Variants in STAG1 observed in about 807,000 individuals in gnomAD.
STAG1 encodes cohesin subunit SA-1.
A neutral mutation model predicts 170.9 loss-of-function variants in STAG1; 26 were observed. The observed-to-expected ratio is 0.15, with a 90% confidence interval of 0.11 to 0.21. The LOEUF is 0.21. Among genes scored for constraint, STAG1 ranks in the 10% least tolerant of loss-of-function variants. The pLI is 1.00. For synonymous variants in STAG1, 514 were observed against 497.7 expected, an observed-to-expected ratio of 1.03 and a Z score of -0.44; for missense variants, 964 against 1,509.5, an observed-to-expected ratio of 0.64 and a Z score of 5.99.
intron 6 of STAG1, among the ~76,000 whole-genome samples, chr3:136,522,855 G>A (rs1028239607): frequency 1.3e-5 from 2 of 151,894 alleles, no homozygotes; most frequent in Admixed American, 6.6e-5. Flanking sequence ...TCCTGAGAAT[G>A]ATGGTTTCCA....
Position 136,356,937 on chromosome 3 carries a change from T to A in STAG1, c.3065+783A>T, listed in dbSNP as rs564918444. On this transcript the variant is annotated intron_variant, in intron 28 of 33. Transcript: ENST00000383202. ...CTAGCTAATTTTTTTTTATTTTTTT[T>A]AAATTTTTTATTTTATTTTATTTTT... Among the ~76,000 whole-genome samples the A allele has an allele frequency of 9.5e-4, 143 of 150,722 alleles. 2 individuals carry two copies. Among genetic ancestry groups the A allele is most frequent in the Admixed American group, 2.3e-3 (35 of 15,140 alleles).
chr3:136,610,040 T>C (rs1939189872), intron 3 of STAG1, among the ~76,000 whole-genome samples: 1 of 152,208 alleles, frequency 6.6e-6, no homozygotes, highest in Admixed American at 6.5e-5. Flanking sequence ...GAATTTTCTT[T>C]TTTTTCTTTT....
At chr3:136,428,604 A>G (rs2088202510) in intron 16 of STAG1, among the ~76,000 whole-genome samples, 1 of 152,180 alleles carries the variant, frequency 6.6e-6, no homozygotes, top group South Asian at 2.1e-4. Flanking sequence ...GAGAACCCTG[A>G]TAGAATATGA....
At chr3:136,692,819 A>C (rs1437670119) in intron 1 of STAG1, among the ~76,000 whole-genome samples, 2 of 152,218 alleles carry the variant, frequency 1.3e-5, no homozygotes, top group Non-Finnish European at 2.9e-5. Context: ...TAGGTTTTCC[A>C]ACTTGTAAGG....
In STAG1 at chr3:136,369,232, C is replaced by T; in HGVS notation, c.2421G>A (p.Met807Ile). 1.9e-6 allele frequency: 3 copies of T among 1,603,308 alleles called. No homozygotes were observed. Among genetic ancestry groups the T allele is most frequent in the Non-Finnish European group, 2.5e-6 (3 of 1,177,396 alleles). Residue 807 changes from methionine to isoleucine, a missense_variant, in exon 24 of 34, where the codon ATG (methionine) becomes ATA (isoleucine). Met to Ile is a conservative substitution (Grantham distance 10). Coordinates refer to ENST00000383202, the MANE Select transcript of STAG1 (RefSeq NM_005862.3). ...DLLMIFSHQL[M>I]TGGREGLQPL... is the part of the protein sequence containing the mutation. The stretch of plus-strand genomic sequence containing the variant: ...GCTGAAGGCCCTCTCTGCCACCTGT[C>T]ATTAATTGGTGGCTGAAAATCATCA...
chr3:136,702,119 GAGACAGAGAGACAGAGAGACAGAGAGAC>G (rs1943095105), intron 1 of STAG1, among the ~76,000 whole-genome samples: 1 of 68,214 alleles, frequency 1.5e-5, no homozygotes, highest in Non-Finnish European at 3.3e-5. Context: ...GAGAGAGAGA[GAGACAGAGAGACAGAGAGACAGAGAGAC>G]AGAGAGACAG....
chr3:136,573,925 C>T (rs112907850), intron 4 of STAG1, among the ~76,000 whole-genome samples: 11,866 of 150,460 alleles, frequency 0.079, 481 homozygotes, highest in Non-Finnish European at 0.095. Flanking sequence ...GAGCGGAGAT[C>T]GCGCCACTGC....
Position 136,465,312 on chromosome 3 carries a change from C to T in STAG1, c.1206-324G>A, listed in dbSNP as rs1226120457. On this transcript the variant is annotated intron_variant, in intron 12 of 33. Coordinates refer to ENST00000383202, the MANE Select transcript of STAG1 (RefSeq NM_005862.3). Reference sequence around the variant, plus strand: ...TTGGCTCACTGCAACCTCTGCCTCCCGGGTTCAACTGATTCTCCTGCCTCA... The same window carrying T: ...TTGGCTCACTGCAACCTCTGCCTCCTGGGTTCAACTGATTCTCCTGCCTCA... Among the ~76,000 whole-genome samples the T allele has an allele frequency of 8.0e-5, 12 of 150,720 alleles. 1 individual carries two copies. Among genetic ancestry groups the T allele is most frequent in the Admixed American group, 2.0e-4 (3 of 15,136 alleles).
chr3:136,403,459 C>T (rs1287126204), intron 21 of STAG1, among the ~76,000 whole-genome samples: 1 of 151,516 alleles, frequency 6.6e-6, no homozygotes, highest in African/African-American at 2.4e-5. Flanking sequence ...AAAAAATTAC[C>T]CTAATACACT....
At chr3:136,532,201 T>G (rs1464421354) in intron 6 of STAG1, among the ~76,000 whole-genome samples, 1 of 152,126 alleles carries the variant, frequency 6.6e-6, no homozygotes, top group African/African-American at 2.4e-5. Context: ...TCAGAGACTA[T>G]TATGAACAAC....
At chr3:136,605,961 T>C (rs1248382250) in intron 3 of STAG1, among the ~76,000 whole-genome samples, 1 of 152,206 alleles carries the variant, frequency 6.6e-6, no homozygotes, top group Non-Finnish European at 1.5e-5. Context: ...TAGTAGTTAA[T>C]GGCCCTCTAA....
intron 4 of STAG1, among the ~76,000 whole-genome samples, chr3:136,594,822 G>A (rs1278464627): frequency 1.3e-5 from 2 of 152,122 alleles, no homozygotes; most frequent in Admixed American, 1.3e-4. Context: ...CCAGGCTGGA[G>A]TGCAATGGCA....
chr3:136,368,805 G>A (rs1262178522), intron 24 of STAG1, among the ~76,000 whole-genome samples: 1 of 152,048 alleles, frequency 6.6e-6, no homozygotes, highest in Non-Finnish European at 1.5e-5. Flanking sequence ...TTTTATTCTT[G>A]TTGGTTTCTG....
chr3:136,656,986 C>G (rs1941400875), intron 1 of STAG1, among the ~76,000 whole-genome samples: 1 of 150,684 alleles, frequency 6.6e-6, no homozygotes, highest in Non-Finnish European at 1.5e-5. Context: ...ATGTATTATC[C>G]ACTCTGAACT....
intron 21 of STAG1, among the ~76,000 whole-genome samples, chr3:136,409,551 G>A (rs1453466832): frequency 2.0e-5 from 3 of 151,928 alleles, no homozygotes; most frequent in African/African-American, 7.3e-5. Context: ...TGCCCAGGCT[G>A]GTCTCAAACT....
chr3:136,340,670 C>T, intron 31 of STAG1, 65 bp from the exon 32 acceptor site: 2 of 1,067,932 alleles, frequency 1.9e-6, no homozygotes, highest in South Asian at 1.3e-5. Context: ...CTGGCTGTTT[C>T]TCAGATTAAA....
intron 23 of STAG1, among the ~76,000 whole-genome samples, chr3:136,377,413 T>A (rs1937665160): frequency 1.7e-5 from 1 of 58,372 alleles, no homozygotes; most frequent in Non-Finnish European, 3.8e-5. Flanking sequence ...AAAGTCTACA[T>A]TTCAACCTGC....
intron 1 of STAG1, among the ~76,000 whole-genome samples, chr3:136,688,768 T>TA: frequency 6.6e-6 from 1 of 152,270 alleles, no homozygotes; most frequent in Admixed American, 6.5e-5. Context: ...CAACTCTGAC[T>TA]AAAAAAGCAG....
intron 18 of STAG1, 35 bp downstream of exon 18, chr3:136,422,733 A>G (rs747934184): frequency 8.1e-5 from 125 of 1,541,380 alleles, no homozygotes; most frequent in Non-Finnish European, 1.0e-4. Context: ...TAATAAAACT[A>G]TAACAGCTGA....
Sources: gnomAD v4.1 joint callset for allele counts (sites outside exome capture counted in the v4.1 genomes callset) on GRCh38, gnomAD v4.1.1 for gene constraint, MANE v1.5 for transcripts, NCBI Gene and HGNC (gene_info 2026-07-23, HGNC 2026-07-21) for gene names.